GPSM1: variants seen among roughly 807,000 people sequenced by gnomAD.
GPSM1 encodes G protein signaling modulator 1.
A neutral mutation model predicts 70.5 loss-of-function variants in GPSM1; 48 were observed. The ratio of observed to expected loss-of-function variants is 0.68; its 90% CI spans 0.54 to 0.87. The LOEUF (loss-of-function observed/expected upper bound fraction) is 0.87, where lower values mean the gene tolerates loss of function less well. Among genes scored for constraint, GPSM1 ranks in the 40% least tolerant of loss-of-function variants. The pLI is 0.00. For missense variants in GPSM1, 981 were observed against 972.6 expected (o/e 1.01, Z -0.11); for synonymous variants, 416 against 430.1 (o/e 0.97, Z 0.41).
intron 11 of GPSM1, among the ~76,000 whole-genome samples, chr9:136,354,442 G>GCATC (rs1832756321): frequency 1.3e-5 from 2 of 152,156 alleles, no homozygotes; most frequent in East Asian, 3.9e-4. Context: ...AGGCAGCATC[G>GCATC]GGGACCCGGG....
At position 136,341,368 on chromosome 9, in the gene GPSM1, G is replaced by A. The variant is rs1832387391; in HGVS notation, c.1207+375G>A. The A allele has an allele frequency of 6.3e-6, 3 of 473,714 alleles. No individual in the cohort carries two copies. The highest frequency in any genetic ancestry group is 1.8e-4 in the Admixed American group (2 of 11,038). The allele number at this position is 473,714 out of a possible 1,614,324, so 29.3% of individuals were successfully genotyped here. A position where few individuals can be genotyped will look rare whatever the true frequency, so the allele number is the denominator to read the frequency against. On this transcript the variant is annotated intron_variant, in intron 9 of 13. Coordinates refer to ENST00000440944, the MANE Select transcript of GPSM1 (RefSeq NM_001145638.3). The surrounding 1 kb of genome is among the most constrained non-coding windows in gnomAD (Gnocchi z 6.7). ...GGAGGCGAGAGGGCATCAGCCAGAG[G>A]GCTGGGCTGGGCTGGGCTGGGCTGG...
intron 2 of GPSM1, 143 bp from the exon 3 acceptor site, chr9:136,335,823 G>C: frequency 1.2e-6 from 1 of 837,642 alleles, no homozygotes; most frequent in South Asian, 1.8e-5. Flanking sequence ...CCCCTGCCCA[G>C]TATCACCTCA....
rs782311064 is a variant in GPSM1 at position 136,336,064 on chromosome 9, A to C, written c.389A>C (p.Gln130Pro). The C allele has an allele frequency of 6.2e-7, 1 of 1,612,202 alleles. No individual in the cohort carries two copies. Among genetic ancestry groups the C allele is most frequent in the Non-Finnish European group, 8.5e-7 (1 of 1,179,890 alleles). Reference sequence around the variant, plus strand: ...TTCGACGAGGCTGCCGTCTGCTGCCAGCGGCATCTGAGCATCGCCCAAGAG... The same window carrying C: ...TTCGACGAGGCTGCCGTCTGCTGCCCGCGGCATCTGAGCATCGCCCAAGAG... The part of the protein sequence containing the change: ...GRFDEAAVCC[Q>P]RHLSIAQEQG... The change falls in exon 3 of 14, where the codon CAG becomes CCG. Residue 130 changes from glutamine (Q) to proline (P), a missense_variant. Transcript: ENST00000440944.
Position 136,341,143 on chromosome 9 carries a change from G to A in GPSM1, c.1207+150G>A, listed in dbSNP as rs1554770232. On this transcript the variant is annotated intron_variant, in intron 9 of 13. Coordinates refer to ENST00000440944, the MANE Select transcript of GPSM1 (RefSeq NM_001145638.3). The surrounding 1 kb of genome is among the most constrained non-coding windows in gnomAD (Gnocchi z 6.7). ...TACAAGCCAGTTCTTCTTGGCCTCA[G>A]GGACAGCACAGGCCTGAGGTTCACC... 1 of 1,550,142 alleles carries A rather than the reference G, an allele frequency of 6.5e-7. No homozygotes were observed. Among genetic ancestry groups the A allele is most frequent in the East Asian group, 2.4e-5 (1 of 40,926 alleles).
Position 136,355,940 on chromosome 9 carries a change from GGCAGACCA to G in GPSM1, c.1612+99_1612+106del, listed in dbSNP as rs111974080. 6.5e-6 allele frequency: 7 copies of G among 1,083,454 alleles called. No homozygotes were observed. The African/African-American group carries it at 7.9e-5, about 12-fold the overall frequency. 67.1% of individuals were successfully genotyped at this position (1,083,454 alleles called of 1,614,324 possible). On this transcript the variant is annotated intron_variant, in intron 12 of 13. Transcript: ENST00000440944. Reference sequence around the variant, plus strand: ...CTGCTTCCAGTGAGGAGTTTTCGGGGGCAGACCAGCAGGCCAGCTGCAGAGCACCCTGT... The same window carrying G: ...CTGCTTCCAGTGAGGAGTTTTCGGGGGCAGGCCAGCTGCAGAGCACCCTGT...
chr9:136,337,330 T>C, intron 4 of GPSM1, 111 bp from the exon 5 acceptor site: 2 of 1,466,528 alleles, frequency 1.4e-6, no homozygotes, highest in Non-Finnish European at 1.8e-6. Flanking sequence ...CCACCCTCTT[T>C]CCAGGGCATG....
At chr9:136,355,935 T>C in intron 12 of GPSM1, 89 bp downstream of exon 12, 2 of 1,137,922 alleles carry the variant, frequency 1.8e-6, no homozygotes, top group Non-Finnish European at 2.5e-6. Flanking sequence ...TGAGGAGTTT[T>C]CGGGGGCAGA....
rs1554768887 is a variant in GPSM1, at chr9:136,334,451, G to A, written c.73G>A (p.Glu25Lys). ...ACGCCAAGTTCCTCTGCACAGGATG[G>A]AGGCGTCCTGCCTAGAGCTGGCGCT... ...PAARRLYSRM[E>K]ASCLELALEG... Residue 25 changes from glutamate (E) to lysine (K), a missense_variant, in exon 2 of 14, where the codon GAG becomes AAG. By Grantham distance (56) the Glu-to-Lys change is moderately conservative. Transcript: ENST00000440944. The A allele has an allele frequency of 6.2e-7, 1 of 1,611,086 alleles. No homozygotes were observed. Among genetic ancestry groups the A allele is most frequent in the Non-Finnish European group, 8.5e-7 (1 of 1,179,274 alleles).
chr9:136,339,046 T>G (rs1554769780), intron 7 of GPSM1, among the ~76,000 whole-genome samples: 1 of 151,494 alleles, frequency 6.6e-6, no homozygotes, highest in African/African-American at 2.4e-5. Context: ...AGGTCTGGGG[T>G]GGGTGGTGGC....
chr9:136,338,718 G>A lies in GPSM1; in HGVS notation c.974+8G>A, dbSNP rs1832313212. 1 of 1,542,362 alleles carries A rather than the reference G, an allele frequency of 6.5e-7. No homozygotes were observed. The highest frequency in any genetic ancestry group is 1.4e-5 in the African/African-American group (1 of 73,264). Reference sequence around the variant, plus strand: ...CCAGGAGCTGGCCGACAGGTGCGTGGGCGCGGACGCGGCGGGCAGACCCGG... The same window carrying A: ...CCAGGAGCTGGCCGACAGGTGCGTGAGCGCGGACGCGGCGGGCAGACCCGG... On this transcript the variant is annotated splice_region_variant and intron_variant, in intron 7 of 13. Coordinates refer to ENST00000440944, the MANE Select transcript of GPSM1 (RefSeq NM_001145638.3).
At chr9:136,334,281 G>C (rs573025401) in intron 1 of GPSM1, among the ~76,000 whole-genome samples, 166 bp from the exon 2 acceptor site, 1 of 152,242 alleles carries the variant, frequency 6.6e-6, no homozygotes, top group Non-Finnish European at 1.5e-5. Context: ...GGCCGCACAC[G>C]TGCTTCCAGG....
intron 9 of GPSM1, among the ~76,000 whole-genome samples, chr9:136,345,413 T>A (rs1832499189): frequency 6.6e-6 from 1 of 152,220 alleles, no homozygotes; most frequent in Admixed American, 6.5e-5. Flanking sequence ...CTCAGCCGAC[T>A]CTGCAGACAG....
In GPSM1 at chr9:136,340,585, C is replaced by T. The variant is rs369418949; in HGVS notation, c.1084-285C>T. 2.6e-5 allele frequency among the ~76,000 whole-genome samples: 4 copies of T among 152,216 alleles called. No individual in the cohort carries two copies. Among genetic ancestry groups the T allele is most frequent in the South Asian group, 2.1e-4 (1 of 4,826 alleles). ...CAGCCGGGCGGGGCCGGGCCCCTCG[C>T]GCACCGGAGGGCACAGGCCCAACCG... On this transcript the variant is annotated intron_variant, in intron 8 of 13. Transcript: ENST00000440944. This position sits in a 1 kb window ranked among gnomAD's most constrained non-coding sequence, Gnocchi z 7.3.
rs1554770722 is a variant in GPSM1, at chr9:136,343,689, T to A, written c.1207+2696T>A. On this transcript the variant is annotated intron_variant, in intron 9 of 13. Transcript: ENST00000440944. This position sits in a 1 kb window ranked among gnomAD's most constrained non-coding sequence, Gnocchi z 6.0. ...CCACTTGTGCCTCAGTGTCCCCATC[T>A]GGGGAACGGGCCCATCAGTAGTGCT... Among the ~76,000 whole-genome samples the A allele has an allele frequency of 6.6e-6, 1 of 152,180 alleles. No individual in the cohort carries two copies. Among genetic ancestry groups the A allele is most frequent in the Non-Finnish European group, 1.5e-5 (1 of 68,028 alleles).
rs1832286544 is a variant in GPSM1, at chr9:136,337,895, C to T, written c.752C>T (p.Ala251Val). The T allele has an allele frequency of 6.2e-7, 1 of 1,612,706 alleles. No individual in the cohort carries two copies. The highest frequency in any genetic ancestry group is 2.2e-5 in the East Asian group (1 of 44,880). Residue 251 changes from alanine to valine, a missense_variant, in exon 6 of 14, where the codon GCC (alanine) becomes GTC (valine). Ala to Val is a moderately conservative substitution (Grantham distance 64). Coordinates refer to ENST00000440944, the MANE Select transcript of GPSM1 (RefSeq NM_001145638.3). ...EFGDKAAERR[A>V]YSNLGNAHVF... ...GGAGACAAGGCAGCCGAGAGGAGGG[C>T]CTACAGCAACCTGGGGAACGCCCAC...
At chr9:136,346,689 A>G (rs942331445) in intron 9 of GPSM1, among the ~76,000 whole-genome samples, 1 of 152,232 alleles carries the variant, frequency 6.6e-6, no homozygotes, top group Admixed American at 6.5e-5. Context: ...GGAGACCCTG[A>G]GAGACCCTGA....
At chr9:136,347,734 T>C (rs1288298650) in intron 9 of GPSM1, among the ~76,000 whole-genome samples, 2 of 152,214 alleles carry the variant, frequency 1.3e-5, no homozygotes, top group African/African-American at 4.8e-5. Context: ...CATCCCATTT[T>C]TTCCGTTCGC....
Position 136,349,659 on chromosome 9 carries a change from A to G in GPSM1, c.1351A>G (p.Arg451Gly). The G allele has an allele frequency of 1.3e-6, 2 of 1,551,482 alleles. No individual in the cohort carries two copies. Among genetic ancestry groups the G allele is most frequent in the South Asian group, 2.4e-5 (2 of 84,130 alleles). The stretch of plus-strand genomic sequence containing the variant: ...CAGGGACTCGCTACCCCTCCCCGTG[A>G]GGAGCAGGAAGTACCAGGAAGGCCC... The part of the protein sequence containing the change: ...PSRDSLPLPV[R>G]SRKYQEGPDA... The change falls in exon 11 of 14, where the codon AGG becomes GGG. Residue 451 changes from arginine to glycine, a missense_variant. Arg to Gly is a moderately radical substitution (Grantham distance 125). Transcript: ENST00000440944.
At chr9:136,339,881 C>A in intron 8 of GPSM1, 66 bp downstream of exon 8, 2 of 986,752 alleles carry the variant, frequency 2.0e-6, no homozygotes, top group Non-Finnish European at 3.0e-6. Flanking sequence ...GCCGGGTCCC[C>A]TCTGCCCCGA....
Sources: gnomAD v4.1 joint callset for allele counts (sites outside exome capture counted in the v4.1 genomes callset) on GRCh38, gnomAD v4.1.1 for gene constraint, Gnocchi (gnomAD v3.1) non-coding constraint, MANE v1.5 for transcripts, NCBI Gene and HGNC (gene_info 2026-07-23, HGNC 2026-07-21) for gene names.